The following AKAP13 variants were observed in gnomAD, a reference collection of about 807,000 sequenced individuals.
AKAP13 encodes A-kinase anchor protein 13.
AKAP13 carries 80 observed loss-of-function variants against 264.5 expected under a neutral mutation model. The ratio of observed to expected loss-of-function variants is 0.30; its 90% CI spans 0.25 to 0.36. The LOEUF (loss-of-function observed/expected upper bound fraction) is 0.36, where lower values mean the gene tolerates loss of function less well. Ranked by LOEUF, AKAP13 falls within the 10% of genes least tolerant of loss-of-function variation. AKAP13 has a pLI of 1.00. For missense variants in AKAP13, 3,712 were observed against 3,435.2 expected, an observed-to-expected ratio of 1.08 and a Z score of -2.01; for synonymous variants, 1,380 against 1,250.2, an observed-to-expected ratio of 1.10 and a Z score of -2.19.
At chr15:85,417,375 G>A (rs1257867765) in intron 1 of AKAP13, among the ~76,000 whole-genome samples, 1 of 152,128 alleles carries the variant, frequency 6.6e-6, no homozygotes, top group Non-Finnish European at 1.5e-5. Flanking sequence ...GATACTCACT[G>A]GTCCTTTTTG....
At chr15:85,471,751 T>C (rs1330616792) in intron 1 of AKAP13, among the ~76,000 whole-genome samples, 3 of 152,244 alleles carry the variant, frequency 2.0e-5, no homozygotes, top group Non-Finnish European at 4.4e-5. Flanking sequence ...TAGAATTGCA[T>C]AAGAATGGGA....
At chr15:85,466,495 T>C (rs1334302909) in intron 1 of AKAP13, among the ~76,000 whole-genome samples, 1 of 152,262 alleles carries the variant, frequency 6.6e-6, no homozygotes, top group Non-Finnish European at 1.5e-5. Context: ...AGGTCTAACA[T>C]GTAAGTCTTT....
At chr15:85,686,144 A>ATTGT (rs2084898530) in intron 16 of AKAP13, among the ~76,000 whole-genome samples, 1 of 87,154 alleles carries the variant, frequency 1.1e-5, no homozygotes, top group South Asian at 3.3e-4. Context: ...GCAAGGAATC[A>ATTGT]CTGTGTGTGT....
intron 33 of AKAP13, among the ~76,000 whole-genome samples, chr15:85,736,993 ACTG>A (rs1211927281): frequency 7.4e-6 from 1 of 135,432 alleles, no homozygotes; most frequent in East Asian, 2.2e-4. Flanking sequence ...ATCTCAGCTC[ACTG>A]CAACCTCCAT....
In AKAP13 at chr15:85,645,866, A is replaced by C; in HGVS notation, c.4286A>C (p.Lys1429Thr). 1 of 1,613,614 alleles carries C rather than the reference A, an allele frequency of 6.2e-7. No homozygotes were observed. The highest frequency in any genetic ancestry group is 8.5e-7 in the Non-Finnish European group (1 of 1,179,970). Residue 1429 changes from lysine to threonine, a missense_variant, in exon 10 of 37, where the codon AAA (lysine) becomes ACA (threonine). Around this residue, in one of 3 missense-constraint regions of AKAP13, gnomAD observed 2,759 missense variants for 2,411.7 expected, o/e 1.14. Coordinates refer to ENST00000394518, the MANE Select transcript of AKAP13 (RefSeq NM_007200.5). ...DVGLGRECTS[K>T]QGVLKRESGS... ...GGACTGGGCAGAGAGTGTACCTCAA[A>C]ACAAGGTGTACTTAAAAGAGAATCT...
At chr15:85,730,807 A>G (rs1348040527) in intron 30 of AKAP13, 100 bp downstream of exon 30, 3 of 1,057,556 alleles carry the variant, frequency 2.8e-6, no homozygotes, top group African/African-American at 3.2e-5. Flanking sequence ...TAAAGCACAA[A>G]TGCAGAAAAT....
intron 1 of AKAP13, among the ~76,000 whole-genome samples, chr15:85,477,244 A>G (rs998256893): frequency 6.6e-5 from 10 of 151,888 alleles, no homozygotes; most frequent in African/African-American, 2.4e-4. Flanking sequence ...AGTGGGGCAT[A>G]GAGAGATTTT....
intron 8 of AKAP13, among the ~76,000 whole-genome samples, chr15:85,606,668 C>A (rs2080361920): frequency 6.6e-6 from 1 of 152,126 alleles, no homozygotes; most frequent in Non-Finnish European, 1.5e-5. Context: ...GGGGTGACTA[C>A]AGTTGAAGAG....
intron 10 of AKAP13, chr15:85,651,451 G>A (rs142837795): frequency 1.9e-4 from 29 of 152,244 alleles, no homozygotes; most frequent in African/African-American, 6.7e-4. Flanking sequence ...GGTTGGTTGG[G>A]TTTTTCGGTG....
intron 8 of AKAP13, 137 bp downstream of exon 8, chr15:85,585,960 A>G (rs2079322435): frequency 8.4e-7 from 1 of 1,193,258 alleles, no homozygotes; most frequent in Non-Finnish European, 1.2e-6. Context: ...GTGCTGTTAT[A>G]TAAATGTGTT....
chr15:85,680,920 C>G (rs2084559087), intron 14 of AKAP13, among the ~76,000 whole-genome samples: 1 of 152,124 alleles, frequency 6.6e-6, no homozygotes, highest in Non-Finnish European at 1.5e-5. Flanking sequence ...TGGGTTCAAG[C>G]AATTCTCCTG....
intron 16 of AKAP13, among the ~76,000 whole-genome samples, chr15:85,688,404 T>A (rs1362528429): frequency 3.9e-5 from 6 of 152,162 alleles, no homozygotes; most frequent in Non-Finnish European, 8.8e-5. Flanking sequence ...TAATCTACCA[T>A]ACAATAAAAC....
chr15:85,531,924 C>T (rs1334661641), intron 3 of AKAP13, among the ~76,000 whole-genome samples: 1 of 152,160 alleles, frequency 6.6e-6, no homozygotes, highest in African/African-American at 2.4e-5. Context: ...AAACACATTG[C>T]CCTGTTTATA....
chr15:85,432,962 A>G (rs772948952), intron 1 of AKAP13, among the ~76,000 whole-genome samples: 5 of 151,906 alleles, frequency 3.3e-5, no homozygotes, highest in Admixed American at 6.6e-5. Flanking sequence ...AAAAAAAAAT[A>G]TACACCCCAT....
At position 85,574,274 on chromosome 15, in the gene AKAP13, C is replaced by T. The variant is rs75943157; in HGVS notation, c.663-857C>T. Reference sequence around the variant, plus strand: ...GTGCCTCATCCCTGTTTATTGTATGCCCCAAGATTCTTTCATCTGCTGCAA... The same window carrying T: ...GTGCCTCATCCCTGTTTATTGTATGTCCCAAGATTCTTTCATCTGCTGCAA... On this transcript the variant is annotated intron_variant, in intron 5 of 36. Coordinates refer to ENST00000394518, the MANE Select transcript of AKAP13 (RefSeq NM_007200.5). Among the ~76,000 whole-genome samples, 475 of 152,214 alleles carry T rather than the reference C, an allele frequency of 3.1e-3. 3 individuals carry two copies. The highest frequency in any genetic ancestry group is 0.011 in the African/African-American group (448 of 41,530).
At chr15:85,711,371 C>T (rs1597141868) in intron 19 of AKAP13, among the ~76,000 whole-genome samples, 3 of 152,160 alleles carry the variant, frequency 2.0e-5, no homozygotes, top group South Asian at 4.1e-4. Context: ...CATTCCCTGT[C>T]TCATTCCTAC....
chr15:85,583,175 G>T, intron 7 of AKAP13: 1 of 985,318 alleles, frequency 1.0e-6, no homozygotes, highest in Non-Finnish European at 1.2e-6. Context: ...GTAAGAAGCA[G>T]CCTGTTTTGT....
At chr15:85,619,877 G>T in intron 8 of AKAP13, 1 of 1,405,500 alleles carries the variant, frequency 7.1e-7, no homozygotes, top group Non-Finnish European at 9.2e-7. Context: ...TTATCAGCAA[G>T]TTCTCAGTCA....
At chr15:85,389,240 G>A (rs765838373) in intron 1 of AKAP13, among the ~76,000 whole-genome samples, 2 of 151,940 alleles carry the variant, frequency 1.3e-5, no homozygotes, top group Non-Finnish European at 2.9e-5. Flanking sequence ...CTCTTCTCTC[G>A]TACTCTGCAA....
Sources: gnomAD v4.1 joint callset for allele counts (sites outside exome capture counted in the v4.1 genomes callset) on GRCh38, gnomAD v4.1.1 for gene constraint, gnomAD v4.1.1 regional missense constraint, MANE v1.5 for transcripts, NCBI Gene and HGNC (gene_info 2026-07-23, HGNC 2026-07-21) for gene names.